Variants in ROBO2 observed in about 807,000 individuals in gnomAD.
The protein encoded by ROBO2 is roundabout homolog 2.
Under a neutral mutation model 160.8 loss-of-function variants are expected in ROBO2, and 53 were observed. The observed-to-expected ratio is 0.33, with a 90% CI of 0.26 to 0.41. The LOEUF (loss-of-function observed/expected upper bound fraction) is 0.41. ROBO2 is among the 10% of genes least tolerant of loss of function. ROBO2 has a pLI of 1.00. For synonymous variants in ROBO2, 664 were observed against 611.7 expected (o/e 1.09, Z -1.26); for missense variants, 1,577 against 1,722.4 (o/e 0.92, Z 1.49).
chr3:76,285,148 A>G (rs1708445603), intron 2 of ROBO2, among the ~76,000 whole-genome samples: 1 of 152,162 alleles, frequency 6.6e-6, no homozygotes, highest in Admixed American at 6.6e-5. Context: ...TTTTTTTATT[A>G]TTTCCTGTAT....
chr3:77,272,410 G>T (rs2059553186), intron 2 of ROBO2, among the ~76,000 whole-genome samples: 1 of 152,094 alleles, frequency 6.6e-6, no homozygotes, highest in South Asian at 2.1e-4. Flanking sequence ...AGGAGGAAGA[G>T]AAGGGCGGGG....
chr3:76,016,923 G>C (rs749896229), intron 2 of ROBO2, among the ~76,000 whole-genome samples: 1 of 152,126 alleles, frequency 6.6e-6, no homozygotes, highest in Non-Finnish European at 1.5e-5. Flanking sequence ...TGGATTAAAT[G>C]AGGCATAGGA....
At chr3:77,500,110 A>G (rs80295442) in intron 5 of ROBO2, among the ~76,000 whole-genome samples, 1 of 152,322 alleles carries the variant, frequency 6.6e-6, no homozygotes, top group East Asian at 1.9e-4. Context: ...CATTTCACAC[A>G]TACTGTTTTG....
At chr3:76,461,401 A>C (rs1365275818) in intron 2 of ROBO2, among the ~76,000 whole-genome samples, 1 of 152,216 alleles carries the variant, frequency 6.6e-6, no homozygotes, top group Admixed American at 6.6e-5. Flanking sequence ...TATCTAGTCT[A>C]TATCAACCAC....
At chr3:76,715,342 G>A (rs991808667) in intron 2 of ROBO2, among the ~76,000 whole-genome samples, 4 of 152,126 alleles carry the variant, frequency 2.6e-5, no homozygotes, top group African/African-American at 9.7e-5. Context: ...CAAAAACCCT[G>A]TATGACTATC....
At chr3:77,028,811 T>A (rs1305628708) in intron 2 of ROBO2, among the ~76,000 whole-genome samples, 2 of 152,252 alleles carry the variant, frequency 1.3e-5, no homozygotes, top group Non-Finnish European at 2.9e-5. Context: ...TGATTCCATG[T>A]TGCCATATAT....
chr3:76,884,113 T>C (rs1345055297), intron 2 of ROBO2, among the ~76,000 whole-genome samples: 1 of 152,248 alleles, frequency 6.6e-6, no homozygotes, highest in Non-Finnish European at 1.5e-5. Flanking sequence ...CATCTTCATA[T>C]GCTTTTTTGA....
intron 2 of ROBO2, among the ~76,000 whole-genome samples, chr3:77,371,206 A>G (rs954926035): frequency 6.6e-6 from 1 of 152,226 alleles, no homozygotes; most frequent in African/African-American, 2.4e-5. Flanking sequence ...TGAGAAAACA[A>G]GAACACTAGC....
Position 76,657,872 on chromosome 3 carries a change from ATG to A in ROBO2, c.110-440130_110-440129del, listed in dbSNP as rs1372539919. On this transcript the variant is annotated intron_variant, in intron 2 of 26. Transcript: ENST00000487694. ...ATGTGTATATATGAACATTATATAT[ATG>A]TGTGTGTGTGTATATATATATATGT... Among the ~76,000 whole-genome samples, 446 of 147,310 alleles carry A rather than the reference ATG, an allele frequency of 3.0e-3. 4 individuals carry two copies. The highest frequency in any genetic ancestry group is 0.011 in the African/African-American group (430 of 40,152).
intron 2 of ROBO2, among the ~76,000 whole-genome samples, chr3:76,392,754 G>A (rs2068627): frequency 0.14 from 21,932 of 151,974 alleles, 1,679 homozygotes; most frequent in South Asian, 0.16. Flanking sequence ...TTATAACCTG[G>A]TACCATTTAA....
At chr3:76,036,651 T>C (rs1385142110) in intron 2 of ROBO2, among the ~76,000 whole-genome samples, 2 of 151,324 alleles carry the variant, frequency 1.3e-5, no homozygotes, top group Non-Finnish European at 2.9e-5. Flanking sequence ...ATTACAGGCA[T>C]GCACCACCGT....
upstream of ROBO2, among the ~76,000 whole-genome samples, chr3:77,035,664 C>A (rs991693007): frequency 3.3e-5 from 5 of 151,766 alleles, no homozygotes; most frequent in Non-Finnish European, 5.9e-5. Flanking sequence ...CAAAATGAAT[C>A]GAATCAAATC....
chr3:77,486,759 A>G (rs2085410304), intron 4 of ROBO2, among the ~76,000 whole-genome samples: 3 of 151,916 alleles, frequency 2.0e-5, no homozygotes, highest in Admixed American at 1.3e-4. Context: ...ACAGAATTTT[A>G]ATAACACTTT....
chr3:77,478,376 A>G (rs12487172), intron 3 of ROBO2, among the ~76,000 whole-genome samples: 112,991 of 152,094 alleles, frequency 0.74, 42,532 homozygotes, highest in African/African-American at 0.86. Flanking sequence ...GAATAGATGT[A>G]AAATAAAATG....
intron 2 of ROBO2, among the ~76,000 whole-genome samples, chr3:76,555,418 A>AAGAAGAAGAAGAAGAAGAAGAAGAAGAAG (rs879848225): frequency 1.2e-5 from 1 of 80,098 alleles, no homozygotes. Flanking sequence ...GAAGAAGAAG[A>AAGAAGAAGAAGAAGAAGAAGAAGAAGAAG]AAGAAGGAGA....
intron 2 of ROBO2, among the ~76,000 whole-genome samples, chr3:76,561,368 T>C (rs1166135650): frequency 6.6e-6 from 1 of 152,114 alleles, no homozygotes; most frequent in African/African-American, 2.4e-5. Flanking sequence ...AGATAATATT[T>C]TTCCTTAAAT....
intron 2 of ROBO2, among the ~76,000 whole-genome samples, chr3:76,806,721 A>G (rs1038932229): frequency 9.9e-5 from 15 of 151,922 alleles, no homozygotes; most frequent in African/African-American, 3.4e-4. Context: ...AGTAGGTACC[A>G]CCTCTAGTAC....
chr3:76,758,043 A>C (rs116134577), intron 2 of ROBO2, among the ~76,000 whole-genome samples: 1,678 of 151,976 alleles, frequency 0.011, 29 homozygotes, highest in African/African-American at 0.038. Flanking sequence ...ACAGTTAATT[A>C]TTAAAATCAA....
At chr3:76,374,595 C>A (rs1050789903) in intron 2 of ROBO2, among the ~76,000 whole-genome samples, 9 of 151,936 alleles carry the variant, frequency 5.9e-5, no homozygotes, top group Non-Finnish European at 1.5e-5. Context: ...GAAAAAAACT[C>A]CCCTTACATG....
Sources: allele counts gnomAD v4.1 joint callset (sites outside exome capture counted in the v4.1 genomes callset), GRCh38; gene constraint gnomAD v4.1.1; transcripts MANE v1.5; gene names NCBI Gene and HGNC (gene_info 2026-07-23, HGNC 2026-07-21).